IRGM: variants seen among roughly 807,000 people sequenced by gnomAD.
IRGM encodes immunity-related GTPase family M protein.
For missense variants in IRGM, 288 were observed against 219.9 expected (o/e 1.31, Z -1.96); for synonymous variants, 98 against 80.6 (o/e 1.22, Z -1.16).
intron 3 of IRGM, chr5:150,897,697 A>C: frequency 4.3e-6 from 1 of 231,238 alleles, no homozygotes. Flanking sequence ...ATACGCTCAC[A>C]TCTCTTTAGA....
At chr5:150,887,408 G>C (rs1754541762) in intron 3 of IRGM, among the ~76,000 whole-genome samples, 1 of 151,948 alleles carries the variant, frequency 6.6e-6, no homozygotes, top group Admixed American at 6.6e-5. Flanking sequence ...AGAATTAAAA[G>C]GAATGAACAA....
chr5:150,902,170 T>C (rs1200966496), downstream of IRGM, among the ~76,000 whole-genome samples: 2 of 152,122 alleles, frequency 1.3e-5, no homozygotes, highest in Admixed American at 1.3e-4. Context: ...TATATGCCAA[T>C]GCTGGCAGAA....
intron 3 of IRGM, chr5:150,896,484 T>C (rs371578883): frequency 6.2e-7 from 1 of 1,613,476 alleles, no homozygotes. Flanking sequence ...GGATTGTGTA[T>C]TTCTAAAAAC....
At chr5:150,887,681 T>G in intron 3 of IRGM, among the ~76,000 whole-genome samples, 1 of 149,204 alleles carries the variant, frequency 6.7e-6, no homozygotes. Flanking sequence ...AAAAGACTGT[T>G]AAAGGCAGCT....
At chr5:150,881,769 T>C (rs1442985590) in intron 3 of IRGM, among the ~76,000 whole-genome samples, 3 of 152,168 alleles carry the variant, frequency 2.0e-5, no homozygotes, top group Admixed American at 6.5e-5. Context: ...TTAGAGTTTT[T>C]TAATGTGATC....
chr5:150,850,823 C>G (rs1753964842), downstream of IRGM, among the ~76,000 whole-genome samples: 1 of 152,210 alleles, frequency 6.6e-6, no homozygotes, highest in South Asian at 2.1e-4. Context: ...CATGAGTTTT[C>G]CCTGCCTGGC....
chr5:150,895,874 A>T, intron 3 of IRGM: 1 of 1,613,624 alleles, frequency 6.2e-7, no homozygotes, highest in Non-Finnish European at 8.5e-7. Flanking sequence ...GAACTAACTG[A>T]TGTGTAATGA....
At chr5:150,858,287 C>G (rs1454828370) in intron 1 of IRGM, among the ~76,000 whole-genome samples, 1 of 152,034 alleles carries the variant, frequency 6.6e-6, no homozygotes, top group Non-Finnish European at 1.5e-5. Flanking sequence ...TGGTCTATAT[C>G]TCTGTTTTGG....
chr5:150,898,378 A>G, intron 3 of IRGM: 1 of 1,613,150 alleles, frequency 6.2e-7, no homozygotes, highest in Non-Finnish European at 8.5e-7. Context: ...ACTAGTAAGG[A>G]AAGGCACTTG....
intron 3 of IRGM, among the ~76,000 whole-genome samples, chr5:150,879,911 C>A (rs983212096): frequency 6.6e-6 from 1 of 152,076 alleles, no homozygotes; most frequent in African/African-American, 2.4e-5. Flanking sequence ...GTGTCTTAAA[C>A]TCAAGAATTA....
intron 1 of IRGM, among the ~76,000 whole-genome samples, chr5:150,855,478 G>A (rs915609079): frequency 8.5e-5 from 13 of 152,120 alleles, no homozygotes; most frequent in South Asian, 2.1e-4. Context: ...TGACTGAAAC[G>A]GTTTCTCTTG....
At chr5:150,883,522 CAAG>C (rs1243472532) in intron 3 of IRGM, among the ~76,000 whole-genome samples, 1 of 151,408 alleles carries the variant, frequency 6.6e-6, no homozygotes, top group South Asian at 2.1e-4. Context: ...AGAAAAAAAG[CAAG>C]AAGACAAAAT....
intron 3 of IRGM, among the ~76,000 whole-genome samples, chr5:150,884,334 G>T (rs1487406669): frequency 1.3e-5 from 2 of 151,930 alleles, no homozygotes; most frequent in Non-Finnish European, 1.5e-5. Flanking sequence ...TGAGCATTTA[G>T]GTTGATTCCA....
intron 2 of IRGM, among the ~76,000 whole-genome samples, chr5:150,879,430 GTCA>G (rs1754412414): frequency 6.6e-6 from 1 of 152,160 alleles, no homozygotes. Context: ...TTAAGAATAT[GTCA>G]TCATTAACCT....
intron 1 of IRGM, among the ~76,000 whole-genome samples, chr5:150,862,105 T>G (rs1561743607): frequency 1.3e-5 from 2 of 152,242 alleles, no homozygotes. Context: ...CCAAGCTCAC[T>G]CACATTATTG....
At chr5:150,867,826 A>G (rs1264247892) in intron 1 of IRGM, among the ~76,000 whole-genome samples, 1 of 142,712 alleles carries the variant, frequency 7.0e-6, no homozygotes, top group Non-Finnish European at 1.5e-5. Context: ...TGATGGGATT[A>G]TTTGTTTTTT....
At chr5:150,864,238 T>C (rs895524768) in intron 1 of IRGM, among the ~76,000 whole-genome samples, 2 of 152,182 alleles carry the variant, frequency 1.3e-5, no homozygotes, top group African/African-American at 4.8e-5. Context: ...ACGCTTGACC[T>C]TCTTTTCCAT....
chr5:150,856,920 A>ATTG (rs386405305), intron 1 of IRGM, among the ~76,000 whole-genome samples: 1 of 108,678 alleles, frequency 9.2e-6, no homozygotes, highest in Non-Finnish European at 1.9e-5. Flanking sequence ...AATATTTATT[A>ATTG]TTTATTATTT....
intron 1 of IRGM, among the ~76,000 whole-genome samples, chr5:150,872,812 AG>A (rs1309629151): frequency 6.6e-6 from 1 of 152,194 alleles, no homozygotes. Flanking sequence ...AGGGATCAAA[AG>A]GCTTAGGAAG....
Sources: gnomAD v4.1 joint callset for allele counts (sites outside exome capture counted in the v4.1 genomes callset) on GRCh38, gnomAD v4.1.1 for gene constraint, MANE v1.5 for transcripts, NCBI Gene and HGNC (gene_info 2026-07-23, HGNC 2026-07-21) for gene names.